Variants in PCDHGA1 observed in about 807,000 individuals in gnomAD.
PCDHGA1 encodes the protein protocadherin gamma-A1.
In PCDHGA1, 32 loss-of-function variants were observed where a neutral mutation model predicts 58.0. That is an observed-to-expected ratio of 0.55 (90% CI 0.42 to 0.74). The LOEUF is 0.74. Ranked by LOEUF, PCDHGA1 falls within the 30% of genes least tolerant of loss-of-function variation. PCDHGA1 has a pLI of 0.00. For synonymous variants in PCDHGA1, 498 were observed against 501.1 expected, an observed-to-expected ratio of 0.99 and a Z score of 0.08; for missense variants, 1,205 against 1,182.3, an observed-to-expected ratio of 1.02 and a Z score of -0.28.
chr5:141,368,584 T>C (rs988612608), intron 1 of PCDHGA1, among the ~76,000 whole-genome samples: 1 of 152,088 alleles, frequency 6.6e-6, no homozygotes, highest in African/African-American at 2.4e-5. Context: ...GGGTAAGGTG[T>C]TTGGGAAAAA....
At chr5:141,508,124 G>C (rs1248096612) in intron 3 of PCDHGA1, 1 of 152,640 alleles carries the variant, frequency 6.6e-6, no homozygotes, top group Non-Finnish European at 1.5e-5. Flanking sequence ...AGGACAGAGG[G>C]AGGTCAGGGA....
intron 1 of PCDHGA1, among the ~76,000 whole-genome samples, chr5:141,363,289 T>C (rs537756758): frequency 6.6e-5 from 10 of 152,254 alleles, no homozygotes; most frequent in Non-Finnish European, 1.5e-4. Flanking sequence ...CCTAATTATA[T>C]AGAATTTTTA....
chr5:141,398,088 C>T lies in PCDHGA1; in HGVS notation c.2421+64983C>T, dbSNP rs781722295. On this transcript the variant is annotated intron_variant, in intron 1 of 3. Coordinates refer to ENST00000517417, the MANE Select transcript of PCDHGA1 (RefSeq NM_018912.3). ...AATACAGAGGTTATTTGTAACCTGGCGTCTCCAGGCTGGTGAGCAAGCTGA... is the reference window on the plus strand; with the variant it reads ...AATACAGAGGTTATTTGTAACCTGGTGTCTCCAGGCTGGTGAGCAAGCTGA... The T allele has an allele frequency of 1.1e-5, 18 of 1,598,420 alleles. 1 individual carries two copies. In the South Asian group the frequency reaches 1.9e-4, roughly 17 times the overall value.
In PCDHGA1 at chr5:141,409,653, A is replaced by G. The variant is rs763812886; in HGVS notation, c.2421+76548A>G. 10 of 1,613,542 alleles carry G rather than the reference A, an allele frequency of 6.2e-6. No homozygotes were observed. The East Asian group carries it at 8.9e-5, about 14-fold the overall frequency. ...GCCTCTGACCCGGATTTGGGGCTCAATGGCCACATCTCCTACTCTATAGTG... is the reference window on the plus strand; with the variant it reads ...GCCTCTGACCCGGATTTGGGGCTCAGTGGCCACATCTCCTACTCTATAGTG... On this transcript the variant is annotated intron_variant, in intron 1 of 3. Transcript: ENST00000517417.
chr5:141,351,234 C>T (rs373708937), intron 1 of PCDHGA1: 136 of 1,613,888 alleles, frequency 8.4e-5, no homozygotes, highest in South Asian at 1.6e-4. Flanking sequence ...GTACACACAG[C>T]TCACTGTAAT....
At chr5:141,352,497 A>T in intron 1 of PCDHGA1, 2 of 1,614,028 alleles carry the variant, frequency 1.2e-6, no homozygotes, top group Non-Finnish European at 1.7e-6. Context: ...ACTTTGCCCT[A>T]TTCCTACAAT....
At chr5:141,349,862 C>T (rs1007140667) in intron 1 of PCDHGA1, among the ~76,000 whole-genome samples, 3 of 151,862 alleles carry the variant, frequency 2.0e-5, no homozygotes, top group African/African-American at 7.3e-5. Flanking sequence ...AAAAAGAATA[C>T]GAAATGATGA....
intron 1 of PCDHGA1, among the ~76,000 whole-genome samples, chr5:141,483,832 G>A (rs994540286): frequency 2.0e-5 from 3 of 152,134 alleles, no homozygotes; most frequent in African/African-American, 7.2e-5. Context: ...ACCTAGGTAA[G>A]GACTTGGTTG....
intron 1 of PCDHGA1, among the ~76,000 whole-genome samples, chr5:141,438,591 CATATATATATATATATATAT>C (rs946798767): frequency 2.1e-4 from 16 of 75,572 alleles, no homozygotes; most frequent in Middle Eastern, 0.016. Context: ...TACATACATA[CATATATATATATATATATAT>C]ATATATATAT....
In PCDHGA1 at chr5:141,490,935, G is replaced by A. The variant is rs1371144225; in HGVS notation, c.2422-3872G>A. On this transcript the variant is annotated intron_variant, in intron 1 of 3. Transcript: ENST00000517417. The surrounding 1 kb of genome is among the most constrained non-coding windows in gnomAD (Gnocchi z 5.4). ...AGAATGATAATGCCCCAGCTGTGCTGCACCCACGGCCAGACTGGGAACACT... is the reference window on the plus strand; with the variant it reads ...AGAATGATAATGCCCCAGCTGTGCTACACCCACGGCCAGACTGGGAACACT... 1.9e-6 allele frequency: 3 copies of A among 1,613,638 alleles called. No homozygotes were observed. The highest frequency in any genetic ancestry group is 2.2e-5 in the South Asian group (2 of 91,032).
At chr5:141,374,266 G>A (rs763355904) in intron 1 of PCDHGA1, 5 of 1,614,016 alleles carry the variant, frequency 3.1e-6, no homozygotes, top group Middle Eastern at 1.7e-4. Context: ...AGTTGGCGGA[G>A]CACGGAGTCC....
intron 1 of PCDHGA1, among the ~76,000 whole-genome samples, chr5:141,460,536 G>A (rs911670681): frequency 2.0e-5 from 3 of 152,092 alleles, no homozygotes; most frequent in African/African-American, 7.2e-5. Flanking sequence ...AATAATCTTA[G>A]CACCTTAATC....
At chr5:141,462,157 A>C (rs1232551906) in intron 1 of PCDHGA1, among the ~76,000 whole-genome samples, 1 of 151,394 alleles carries the variant, frequency 6.6e-6, no homozygotes, top group African/African-American at 2.4e-5. Flanking sequence ...ATGGGGTTTC[A>C]TCATGTTGGC....
chr5:141,486,282 C>T lies in PCDHGA1; in HGVS notation c.2422-8525C>T. ...AGTGCAGAACCTGGCACTGTGGTGGCACTTATCAGTGTGCAGGATCCAGAC... is the reference window on the plus strand; with the variant it reads ...AGTGCAGAACCTGGCACTGTGGTGGTACTTATCAGTGTGCAGGATCCAGAC... On this transcript the variant is annotated intron_variant, in intron 1 of 3. Transcript: ENST00000517417. This position sits in a 1 kb window ranked among gnomAD's most constrained non-coding sequence, Gnocchi z 5.0. 6.2e-7 allele frequency: 1 copy of T among 1,614,052 alleles called. No homozygotes were observed. Among genetic ancestry groups the T allele is most frequent in the Non-Finnish European group, 8.5e-7 (1 of 1,179,992 alleles).
chr5:141,392,931 G>A (rs2092632355), intron 1 of PCDHGA1: 2 of 1,613,802 alleles, frequency 1.2e-6, no homozygotes, highest in Admixed American at 1.7e-5. Context: ...AGAAGAGACG[G>A]ACAAAGGCTC....
intron 1 of PCDHGA1, chr5:141,355,064 T>C (rs1759705435): frequency 7.5e-7 from 1 of 1,325,416 alleles, no homozygotes; most frequent in Non-Finnish European, 1.0e-6. Context: ...GCTCTGGAGC[T>C]TTATGAAAGC....
chr5:141,376,302 T>G, intron 1 of PCDHGA1: 2 of 1,614,166 alleles, frequency 1.2e-6, no homozygotes, highest in Non-Finnish European at 1.7e-6. Context: ...GGCTCGCACT[T>G]TGTGGGCGTG....
intron 2 of PCDHGA1, 99 bp from the exon 3 acceptor site, chr5:141,505,294 G>T: frequency 6.4e-7 from 1 of 1,572,086 alleles, no homozygotes; most frequent in Non-Finnish European, 8.6e-7. Context: ...GCATGGGGTA[G>T]GGTTAGGGTA....
At chr5:141,430,811 A>T in intron 1 of PCDHGA1, 1 of 1,527,400 alleles carries the variant, frequency 6.5e-7, no homozygotes, top group Non-Finnish European at 8.8e-7. Context: ...CCTGCTGGGA[A>T]TCCTCCTGGG....
Sources: gnomAD v4.1 joint callset for allele counts (sites outside exome capture counted in the v4.1 genomes callset) on GRCh38, gnomAD v4.1.1 for gene constraint, Gnocchi (gnomAD v3.1) non-coding constraint, MANE v1.5 for transcripts, NCBI Gene and HGNC (gene_info 2026-07-23, HGNC 2026-07-21) for gene names.